Variants in FRMD4A observed in about 807,000 individuals in gnomAD.
FRMD4A encodes the protein FERM domain containing 4A.
In FRMD4A, 29 loss-of-function variants were observed where a neutral mutation model predicts 129.1. The observed-to-expected ratio is 0.22, with a 90% CI of 0.17 to 0.31. The LOEUF is 0.31. FRMD4A is among the 10% of genes least tolerant of loss of function. FRMD4A has a pLI of 1.00. For missense variants in FRMD4A, 1,272 were observed against 1,375.8 expected (o/e 0.92, Z 1.19); for synonymous variants, 634 against 571.6 (o/e 1.11, Z -1.56).
intron 2 of FRMD4A, among the ~76,000 whole-genome samples, chr10:14,185,473 TACA>T (rs946357872): frequency 3.3e-5 from 5 of 152,216 alleles, no homozygotes; most frequent in Admixed American, 1.3e-4. Context: ...CAAAAAACAT[TACA>T]ACATTTTGTA....
rs2082572685 is a variant in FRMD4A, at chr10:13,660,680, A to G, written c.1661-127T>C. ...CCAAACCCACACCTTCACCCCTGTG[A>G]TGAGAAACCCTGAAACTCTTCCCCA... On this transcript the variant is annotated intron_variant, in intron 19 of 24. Transcript: ENST00000357447. 4.8e-6 allele frequency: 3 copies of G among 626,922 alleles called. No individual in the cohort carries two copies. In the South Asian group the frequency reaches 6.4e-5, roughly 13 times the overall value. 38.8% of individuals were successfully genotyped at this position (626,922 alleles called of 1,614,324 possible). A position where few individuals can be genotyped will look rare whatever the true frequency, so the allele number is the denominator to read the frequency against.
chr10:13,938,386 C>T (rs577154404), intron 2 of FRMD4A, among the ~76,000 whole-genome samples: 3 of 152,152 alleles, frequency 2.0e-5, no homozygotes, highest in East Asian at 1.9e-4. Flanking sequence ...GGACTACAAG[C>T]GCACACCAAC....
intron 2 of FRMD4A, among the ~76,000 whole-genome samples, chr10:13,921,318 A>G (rs1370065252): frequency 1.3e-4 from 10 of 78,148 alleles, no homozygotes; most frequent in African/African-American, 5.2e-4. Context: ...GCTGGAGTGG[A>G]GTGTGCAATC....
chr10:14,071,485 T>C (rs918503697), intron 2 of FRMD4A, among the ~76,000 whole-genome samples: 9 of 152,222 alleles, frequency 5.9e-5, no homozygotes, highest in Admixed American at 2.0e-4. Flanking sequence ...AATGGAAAGA[T>C]CTTCTTTGTA....
Position 14,070,443 on chromosome 10 carries a change from A to G in FRMD4A, c.46-211531T>C, listed in dbSNP as rs543092503. ...ATCTTTTGGCTATCAATATTTTATTATCGGTTTAGAAAGTCAGCCCATTGG... is the reference window on the plus strand; with the variant it reads ...ATCTTTTGGCTATCAATATTTTATTGTCGGTTTAGAAAGTCAGCCCATTGG... On this transcript the variant is annotated intron_variant, in intron 2 of 24. Coordinates refer to ENST00000357447, the MANE Select transcript of FRMD4A (RefSeq NM_018027.5). Among the ~76,000 whole-genome samples, 7 of 152,254 alleles carry G rather than the reference A, an allele frequency of 4.6e-5. No individual in the cohort carries two copies. In the East Asian group the frequency reaches 1.3e-3, roughly 29 times the overall value.
intron 3 of FRMD4A, among the ~76,000 whole-genome samples, chr10:13,844,025 T>A (rs7067781): frequency 0.82 from 124,137 of 152,192 alleles, 50,805 homozygotes; most frequent in East Asian, 0.96. Context: ...ACTGTAGTTG[T>A]ACTAAGGGCT....
chr10:13,985,888 C>T (rs2095579375), intron 2 of FRMD4A, among the ~76,000 whole-genome samples: 1 of 152,218 alleles, frequency 6.6e-6, no homozygotes, highest in Admixed American at 6.5e-5. Flanking sequence ...GGCAGCTTTT[C>T]ACACCTGCAG....
intron 3 of FRMD4A, among the ~76,000 whole-genome samples, chr10:13,843,973 T>C (rs1014691351): frequency 1.3e-5 from 2 of 152,170 alleles, no homozygotes; most frequent in African/African-American, 4.8e-5. Context: ...TGTGGAAAGA[T>C]TATAATTTTT....
intron 2 of FRMD4A, among the ~76,000 whole-genome samples, chr10:14,052,489 A>G (rs10906580): frequency 0.44 from 66,621 of 151,978 alleles, 15,758 homozygotes; most frequent in Middle Eastern, 0.55. Context: ...TACTCATGGC[A>G]GAAAAGAAGG....
chr10:14,035,474 CTGCTGT>C (rs1833456453), intron 2 of FRMD4A, among the ~76,000 whole-genome samples: 1 of 150,650 alleles, frequency 6.6e-6, no homozygotes, highest in Non-Finnish European at 1.5e-5. Context: ...CAAATATAAT[CTGCTGT>C]CTCCATGATT....
chr10:13,740,242 G>A lies in FRMD4A; in HGVS notation c.624C>T (p.Ser208=). The change falls in exon 11 of 25, where the codon AGC becomes AGT. Residue 208 remains serine (S), a synonymous_variant. Transcript: ENST00000357447. ...TRGQAIVNYM[S]IVESLPTYGV... ...CGTAGGTTGGGAGAGACTCCACGATGCTCATGTAGCTGGAATGACAACACG... is the reference window on the plus strand; with the variant it reads ...CGTAGGTTGGGAGAGACTCCACGATACTCATGTAGCTGGAATGACAACACG... The A allele has an allele frequency of 6.2e-7, 1 of 1,605,942 alleles. No homozygotes were observed. Among genetic ancestry groups the A allele is most frequent in the Non-Finnish European group, 8.5e-7 (1 of 1,172,550 alleles).
At chr10:13,934,173 G>A (rs542569834) in intron 2 of FRMD4A, among the ~76,000 whole-genome samples, 30 of 152,264 alleles carry the variant, frequency 2.0e-4, no homozygotes, top group Admixed American at 3.3e-4. Context: ...AAGGAGCCTT[G>A]GAAAGGACAA....
chr10:14,109,654 G>A (rs1837777327), intron 2 of FRMD4A, among the ~76,000 whole-genome samples: 1 of 152,128 alleles, frequency 6.6e-6, no homozygotes, highest in African/African-American at 2.4e-5. Context: ...GTAATGCCTA[G>A]AAGTTTACAT....
At chr10:13,804,130 GTAAT>G (rs1335434626) in intron 4 of FRMD4A, among the ~76,000 whole-genome samples, 1 of 152,222 alleles carries the variant, frequency 6.6e-6, no homozygotes, top group Non-Finnish European at 1.5e-5. Context: ...CTGAGAGGTG[GTAAT>G]GAACACCGAA....
chr10:13,655,790 T>A (rs773798627), intron 22 of FRMD4A: 9 of 152,226 alleles, frequency 5.9e-5, no homozygotes, highest in African/African-American at 2.2e-4. Flanking sequence ...TTTATTCTTA[T>A]GATGTTTACC....
intron 5 of FRMD4A, among the ~76,000 whole-genome samples, chr10:13,795,960 G>A (rs1309508092): frequency 6.6e-6 from 1 of 152,102 alleles, no homozygotes; most frequent in Non-Finnish European, 1.5e-5. Context: ...CTAGATTTCT[G>A]AACAGAAAAA....
chr10:13,666,227 T>C lies in FRMD4A; in HGVS notation c.1473A>G (p.Lys491=), dbSNP rs140083268. The C allele has an allele frequency of 4.4e-4, 716 of 1,613,966 alleles. 4 individuals carry two copies. Among genetic ancestry groups the C allele is most frequent in the Non-Finnish European group, 6.8e-5 (80 of 1,179,880 alleles). The part of the protein sequence containing the change: ...RLASDPNVSK[K]LKKQRKTSYL... ...ACGAGGTTTTCCTTTGTTTCTTCAG[T>C]TTTTTGCTGACGTTGGGGTCACTGG... The change falls in exon 18 of 25, where the codon AAA becomes AAG. Residue 491 remains lysine, a synonymous_variant. Transcript: ENST00000357447.
At chr10:13,676,548 T>G (rs2084020694) in intron 15 of FRMD4A, among the ~76,000 whole-genome samples, 1 of 152,048 alleles carries the variant, frequency 6.6e-6, no homozygotes, top group African/African-American at 2.4e-5. Flanking sequence ...GTGCTGGGAT[T>G]ACAGGCATGA....
intron 12 of FRMD4A, among the ~76,000 whole-genome samples, chr10:13,736,026 G>A (rs558961370): frequency 2.0e-5 from 3 of 152,204 alleles, no homozygotes; most frequent in South Asian, 2.1e-4. Context: ...GGTGGCAGGC[G>A]CCTGTAATCC....
Sources: allele counts gnomAD v4.1 joint callset (sites outside exome capture counted in the v4.1 genomes callset), GRCh38; gene constraint gnomAD v4.1.1; transcripts MANE v1.5; gene names NCBI Gene and HGNC (gene_info 2026-07-23, HGNC 2026-07-21).